Variants in FOXP2 observed in about 807,000 individuals in gnomAD.
The protein encoded by FOXP2 is forkhead box protein P2.
FOXP2 carries 12 observed loss-of-function variants against 115.8 expected under a neutral mutation model. That is an observed-to-expected ratio of 0.10 (90% CI 0.07 to 0.17). The LOEUF (loss-of-function observed/expected upper bound fraction) is 0.17, where lower values mean the gene tolerates loss of function less well. Among genes scored for constraint, FOXP2 ranks in the 10% least tolerant of loss-of-function variants. The pLI, the probability that FOXP2 is intolerant of heterozygous loss-of-function variation, is 1.00. For missense variants in FOXP2, 629 were observed against 843.5 expected (o/e 0.75, Z 3.15); for synonymous variants, 328 against 297.7 (o/e 1.10, Z -1.05).
At chr7:114,228,330 G>A (rs1794792792) in intron 1 of FOXP2, among the ~76,000 whole-genome samples, 1 of 152,100 alleles carries the variant, frequency 6.6e-6, no homozygotes, top group Admixed American at 6.5e-5. Context: ...TTACTCCGTG[G>A]ATTGAGACTG....
At chr7:114,365,000 T>A (rs1384124308) in intron 2 of FOXP2, among the ~76,000 whole-genome samples, 1 of 152,176 alleles carries the variant, frequency 6.6e-6, no homozygotes, top group Non-Finnish European at 1.5e-5. Flanking sequence ...TTGAGTAAGC[T>A]TTCAAACTCA....
At chr7:114,651,123 G>A (rs1428923191) in intron 8 of FOXP2, among the ~76,000 whole-genome samples, 1 of 151,896 alleles carries the variant, frequency 6.6e-6, no homozygotes, top group Non-Finnish European at 1.5e-5. Context: ...GTTGAATTCA[G>A]TATACCCAGG....
In FOXP2 at chr7:114,315,966, G is replaced by A. The variant is rs115522095; in HGVS notation, c.-11+27857G>A. 4.5e-3 allele frequency among the ~76,000 whole-genome samples: 688 copies of A among 152,210 alleles called. 4 individuals carry two copies. The highest frequency in any genetic ancestry group is 0.016 in the African/African-American group (660 of 41,546). Reference sequence around the variant, plus strand: ...GCATATCACAACCTTTTTACACTTAGGAACACTAGTCAACACTTCAGTACT... The same window carrying A: ...GCATATCACAACCTTTTTACACTTAAGAACACTAGTCAACACTTCAGTACT... On this transcript the variant is annotated intron_variant, in intron 2 of 17. Coordinates refer to the FOXP2 transcript ENST00000634411.
At chr7:114,450,217 T>C (rs1200309245) in intron 2 of FOXP2, among the ~76,000 whole-genome samples, 4 of 152,122 alleles carry the variant, frequency 2.6e-5, no homozygotes, top group Non-Finnish European at 5.9e-5. Context: ...GTCCTTCCTC[T>C]ATGCATACTT....
At chr7:114,675,825 T>G (rs1425590142) in intron 16 of FOXP2, among the ~76,000 whole-genome samples, 1 of 152,000 alleles carries the variant, frequency 6.6e-6, no homozygotes, top group Non-Finnish European at 1.5e-5. Flanking sequence ...ATGTCATTAA[T>G]TAACACTTAG....
At chr7:114,429,160 A>G (rs533023208) in intron 2 of FOXP2, among the ~76,000 whole-genome samples, 17 of 151,590 alleles carry the variant, frequency 1.1e-4, no homozygotes, top group African/African-American at 4.1e-4. Context: ...TAGCATGAAG[A>G]GTTGGTGTTT....
At chr7:114,344,077 AC>A (rs1791279232) in intron 2 of FOXP2, among the ~76,000 whole-genome samples, 2 of 101,576 alleles carry the variant, frequency 2.0e-5, no homozygotes, top group African/African-American at 5.6e-5. Flanking sequence ...CTAGAACATT[AC>A]CTTGTATATA....
chr7:114,099,759 T>TGTGGGAATGGGGCTTGGG (rs1562963898), intron 1 of FOXP2, among the ~76,000 whole-genome samples: 1 of 152,118 alleles, frequency 6.6e-6, no homozygotes, highest in Non-Finnish European at 1.5e-5. Context: ...GTATAGTGTT[T>TGTGGGAATGGGGCTTGGG]GTGGGAATGG....
At chr7:114,161,304 A>C (rs1388551712), upstream of FOXP2, among the ~76,000 whole-genome samples, 1 of 152,194 alleles carries the variant, frequency 6.6e-6, no homozygotes, top group Admixed American at 6.5e-5. Flanking sequence ...TTCAGTAATG[A>C]AGTTTATGTT....
At chr7:114,090,453 A>G (rs1437404743) in intron 1 of FOXP2, among the ~76,000 whole-genome samples, 1 of 151,892 alleles carries the variant, frequency 6.6e-6, no homozygotes, top group South Asian at 2.1e-4. Flanking sequence ...CCTGTATCTT[A>G]AAATTGGCCT....
In FOXP2 at chr7:114,471,151, C is replaced by A. The variant is rs187571391; in HGVS notation, c.168+44472C>A. Among the ~76,000 whole-genome samples the A allele has an allele frequency of 4.1e-3, 625 of 152,214 alleles. 5 individuals are homozygous for A. Among genetic ancestry groups the A allele is most frequent in the Middle Eastern group, 0.031 (9 of 294 alleles). On this transcript the variant is annotated intron_variant, in intron 2 of 16. Coordinates refer to ENST00000350908, the MANE Select transcript of FOXP2 (RefSeq NM_014491.4). Reference sequence around the variant, plus strand: ...TTAAAGGGAGGGCTAATTTCTCATTCAACTGTGTATTTCCCACAATTTCAA... The same window carrying A: ...TTAAAGGGAGGGCTAATTTCTCATTAAACTGTGTATTTCCCACAATTTCAA...
intron 2 of FOXP2, among the ~76,000 whole-genome samples, chr7:114,367,129 A>G (rs1177971719): frequency 6.6e-6 from 1 of 152,140 alleles, no homozygotes; most frequent in African/African-American, 2.4e-5. Context: ...AGTACAGTTC[A>G]GAAGTTTTAA....
At chr7:114,127,631 G>T (rs1791751111) in intron 1 of FOXP2, among the ~76,000 whole-genome samples, 1 of 152,144 alleles carries the variant, frequency 6.6e-6, no homozygotes, top group African/African-American at 2.4e-5. Flanking sequence ...AGAAGAGTTT[G>T]CCAACAAGGT....
At chr7:114,590,124 G>A (rs1044649019) in intron 3 of FOXP2, among the ~76,000 whole-genome samples, 13 of 152,012 alleles carry the variant, frequency 8.6e-5, no homozygotes, top group Non-Finnish European at 1.6e-4. Context: ...CCTACCTAAC[G>A]AGCCTAGTGT....
At chr7:114,186,294 T>TG (rs1045418554) in intron 1 of FOXP2, among the ~76,000 whole-genome samples, 9 of 152,110 alleles carry the variant, frequency 5.9e-5, no homozygotes, top group Admixed American at 2.6e-4. Context: ...GTTTCACATA[T>TG]GGGTGAGACT....
At chr7:114,628,519 C>A (rs962878852) in intron 3 of FOXP2, 21 bp from the exon 4 acceptor site, 3 of 1,612,448 alleles carry the variant, frequency 1.9e-6, no homozygotes, top group African/African-American at 1.3e-5. Context: ...AATTTTCTTT[C>A]TCTTTCTCTT....
intron 1 of FOXP2, among the ~76,000 whole-genome samples, chr7:114,238,827 A>G (rs61106006): frequency 0.1 from 15,121 of 151,682 alleles, 1,372 homozygotes; most frequent in African/African-American, 0.24. Flanking sequence ...AACCTCTGTA[A>G]TAATATATTC....
intron 1 of FOXP2, among the ~76,000 whole-genome samples, chr7:114,273,637 G>A (rs147502847): frequency 0.013 from 1,926 of 151,928 alleles, 16 homozygotes; most frequent in Non-Finnish European, 0.02. Context: ...CTGTTGTTAG[G>A]TACATACATA....
intron 2 of FOXP2, among the ~76,000 whole-genome samples, chr7:114,359,033 G>T (rs1791682198): frequency 6.6e-6 from 1 of 152,116 alleles, no homozygotes; most frequent in Non-Finnish European, 1.5e-5. Context: ...CTTATCAAAG[G>T]TCTTCACAGC....
Sources: gnomAD v4.1 joint callset for allele counts (sites outside exome capture counted in the v4.1 genomes callset) on GRCh38, gnomAD v4.1.1 for gene constraint, MANE v1.5 for transcripts, NCBI Gene and HGNC (gene_info 2026-07-23, HGNC 2026-07-21) for gene names.